The following ZBTB46 variants were observed in gnomAD, a reference collection of about 807,000 sequenced individuals.
ZBTB46 encodes the protein zinc finger and BTB domain-containing protein 46.
In ZBTB46, 8 loss-of-function variants were observed where a neutral mutation model predicts 44.1. The ratio of observed to expected loss-of-function variants is 0.18; its 90% confidence interval spans 0.11 to 0.33. The LOEUF (loss-of-function observed/expected upper bound fraction) is 0.33, where lower values mean the gene tolerates loss of function less well. Ranked by LOEUF, ZBTB46 falls within the 10% of genes least tolerant of loss-of-function variation. The pLI is 1.00. For synonymous variants in ZBTB46, 409 were observed against 382.3 expected (o/e 1.07, Z -0.81); for missense variants, 651 against 847.7 (o/e 0.77, Z 2.88).
intron 4 of ZBTB46, among the ~76,000 whole-genome samples, chr20:63,747,880 T>C (rs1050697089): frequency 4.6e-5 from 7 of 152,200 alleles, no homozygotes; most frequent in African/African-American, 1.7e-4. Flanking sequence ...ACCACCGGCC[T>C]CTGCCTAAAA....
chr20:63,776,439 C>A (rs191820479), intron 2 of ZBTB46, among the ~76,000 whole-genome samples: 1 of 152,208 alleles, frequency 6.6e-6, no homozygotes, highest in African/African-American at 2.4e-5. Flanking sequence ...TTCTTAGATA[C>A]AAAACCAAGC....
At chr20:63,770,521 T>C (rs1186105795) in intron 3 of ZBTB46, among the ~76,000 whole-genome samples, 1 of 152,224 alleles carries the variant, frequency 6.6e-6, no homozygotes, top group Non-Finnish European at 1.5e-5. Context: ...TTACTGGTCC[T>C]ACAAATCCAA....
chr20:63,806,822 G>A (rs528558202), intron 1 of ZBTB46, among the ~76,000 whole-genome samples: 2 of 149,688 alleles, frequency 1.3e-5, no homozygotes, highest in Admixed American at 6.7e-5. Flanking sequence ...TCGCTCTGTC[G>A]GCCAGGATGG....
chr20:63,765,917 A>G (rs2092316925), intron 3 of ZBTB46, among the ~76,000 whole-genome samples: 1 of 152,168 alleles, frequency 6.6e-6, no homozygotes, highest in South Asian at 2.1e-4. Context: ...AAAGTTAACC[A>G]AACTCTTTCA....
At chr20:63,774,308 C>T (rs955020934) in intron 3 of ZBTB46, among the ~76,000 whole-genome samples, 22 of 152,130 alleles carry the variant, frequency 1.4e-4, no homozygotes, top group Admixed American at 1.3e-3. Context: ...CGCGAAAATT[C>T]GAAAGAATAT....
rs2092070529 is a variant in ZBTB46, at chr20:63,744,577, A to AGTC, written c.*2350_*2352dup. 6.6e-6 allele frequency: 1 copy of AGTC among 152,362 alleles called. No homozygotes were observed. The highest frequency in any genetic ancestry group is 1.5e-5 in the Non-Finnish European group (1 of 68,034). 9.4% of individuals were successfully genotyped at this position (152,362 alleles called of 1,614,324 possible). On this transcript the variant is annotated 3_prime_UTR_variant, in exon 5 of 5. Transcript: ENST00000245663. ...TTGAACATCGATTTAAAAAAAAATC[A>AGTC]GTCACATAAAAAAAACCCTTCATGA...
chr20:63,802,650 A>G (rs1186220801), intron 1 of ZBTB46, among the ~76,000 whole-genome samples: 1 of 105,882 alleles, frequency 9.4e-6, no homozygotes, highest in African/African-American at 3.7e-5. Flanking sequence ...TGGGCCGACA[A>G]CCGAACCTCA....
Position 63,808,840 on chromosome 20 carries a change from T to A in ZBTB46, c.-33-18050A>T, listed in dbSNP as rs540053416. On this transcript the variant is annotated intron_variant, in intron 1 of 4. Coordinates refer to ENST00000245663, the MANE Select transcript of ZBTB46 (RefSeq NM_001369741.1). ...AATACAAAAAAAAATTAGCCGGGCG[T>A]GGTGGGGGCGCCTGCAGTCCCAGCT... is the stretch of plus-strand genomic sequence containing the variant. Among the ~76,000 whole-genome samples the A allele has an allele frequency of 2.0e-5, 3 of 147,976 alleles. No homozygotes were observed. The South Asian group carries it at 6.4e-4, about 31-fold the overall frequency.
intron 3 of ZBTB46, among the ~76,000 whole-genome samples, chr20:63,757,134 T>G (rs1406953488): frequency 1.3e-5 from 2 of 152,260 alleles, no homozygotes; most frequent in South Asian, 2.1e-4. Context: ...TCCCTATTTT[T>G]GGGGAGGGGA....
intron 1 of ZBTB46, among the ~76,000 whole-genome samples, chr20:63,793,715 A>C (rs2092579348): frequency 6.6e-6 from 1 of 152,236 alleles, no homozygotes; most frequent in Non-Finnish European, 1.5e-5. Flanking sequence ...AAGATTTTAT[A>C]GAAGCAGCGG....
chr20:63,827,594 G>A (rs574910167), intron 1 of ZBTB46, among the ~76,000 whole-genome samples: 70 of 134,596 alleles, frequency 5.2e-4, no homozygotes, highest in Middle Eastern at 4.8e-3. Flanking sequence ...CGGCCTGGGC[G>A]ACAGAGCGAG....
chr20:63,774,255 G>C (rs541123906), intron 3 of ZBTB46, among the ~76,000 whole-genome samples: 1 of 152,252 alleles, frequency 6.6e-6, no homozygotes, highest in East Asian at 1.9e-4. Flanking sequence ...TCCACATGTA[G>C]TCTTTATTAC....
chr20:63,824,124 C>T (rs536185705), intron 1 of ZBTB46, among the ~76,000 whole-genome samples: 1 of 152,182 alleles, frequency 6.6e-6, no homozygotes, highest in Admixed American at 6.5e-5. Flanking sequence ...CCCACCTAAG[C>T]ATCAGGGCCA....
intron 3 of ZBTB46, among the ~76,000 whole-genome samples, chr20:63,753,597 C>T (rs961240465): frequency 2.0e-5 from 3 of 152,218 alleles, no homozygotes; most frequent in Non-Finnish European, 4.4e-5. Flanking sequence ...ACTGAGAGAG[C>T]CCGGAGCAGC....
At chr20:63,762,240 C>T (rs1482827514) in intron 3 of ZBTB46, among the ~76,000 whole-genome samples, 4 of 152,252 alleles carry the variant, frequency 2.6e-5, no homozygotes, top group Middle Eastern at 3.4e-3. Flanking sequence ...ATTCTCTATC[C>T]TTACTGAGAT....
chr20:63,788,926 C>T (rs1247889963), intron 2 of ZBTB46, among the ~76,000 whole-genome samples: 2 of 150,516 alleles, frequency 1.3e-5, no homozygotes, highest in East Asian at 4.0e-4. Context: ...ACCTCCGCCT[C>T]CCAGGTTCAA....
chr20:63,818,012 G>A (rs1012702786), intron 1 of ZBTB46, among the ~76,000 whole-genome samples: 7 of 152,204 alleles, frequency 4.6e-5, no homozygotes, highest in African/African-American at 1.7e-4. Flanking sequence ...GCAGCCCCAG[G>A]AACTCGCCCA....
intron 1 of ZBTB46, among the ~76,000 whole-genome samples, chr20:63,794,473 G>A (rs1019198896): frequency 3.3e-5 from 5 of 152,108 alleles, no homozygotes; most frequent in Admixed American, 2.6e-4. Flanking sequence ...AATTACAGGC[G>A]TGAACCACCA....
Position 63,746,635 on chromosome 20 carries a change from G to T in ZBTB46, c.*295C>A. On this transcript the variant is annotated 3_prime_UTR_variant, in exon 5 of 5. Coordinates refer to ENST00000245663, the MANE Select transcript of ZBTB46 (RefSeq NM_001369741.1). ...CCAAGCCAGGCTGGCCATCACAGGG[G>T]CCACTCACACACCCGCACCACCTGC... The T allele has an allele frequency of 2.6e-6, 1 of 385,838 alleles. No individual in the cohort carries two copies. The highest frequency in any genetic ancestry group is 4.6e-6 in the Non-Finnish European group (1 of 217,282). 23.9% of individuals were successfully genotyped at this position (385,838 alleles called of 1,614,324 possible). A position where few individuals can be genotyped will look rare whatever the true frequency, so the allele number is the denominator to read the frequency against.
Sources: allele counts gnomAD v4.1 joint callset (sites outside exome capture counted in the v4.1 genomes callset), GRCh38; gene constraint gnomAD v4.1.1; transcripts MANE v1.5; gene names NCBI Gene and HGNC (gene_info 2026-07-23, HGNC 2026-07-21).